The following BPHL variants were observed in gnomAD, a reference collection of about 807,000 sequenced individuals.
The protein encoded by BPHL is serine hydrolase BPHL.
A neutral mutation model predicts 31.2 loss-of-function variants in BPHL; 27 were observed. That is an observed-to-expected ratio of 0.87 (90% CI 0.64 to 1.19). The LOEUF (loss-of-function observed/expected upper bound fraction) is 1.19. Ranked by LOEUF, BPHL falls within the 50% of genes most tolerant of loss-of-function variation. BPHL has a pLI of 0.00. For synonymous variants in BPHL, 150 were observed against 146.8 expected (o/e 1.02, Z -0.16); for missense variants, 356 against 375.7 (o/e 0.95, Z 0.43).
intron 6 of BPHL, among the ~76,000 whole-genome samples, chr6:3,147,190 G>A (rs1381054947): frequency 6.6e-6 from 1 of 152,144 alleles, no homozygotes; most frequent in African/African-American, 2.4e-5. Flanking sequence ...GAGCCTAGGA[G>A]GTGGAGGCTG....
At chr6:3,134,386 G>A (rs1218629451) in intron 4 of BPHL, among the ~76,000 whole-genome samples, 3 of 151,686 alleles carry the variant, frequency 2.0e-5, no homozygotes, top group Non-Finnish European at 1.5e-5. Flanking sequence ...CTTAATGTAA[G>A]GAAATGCCAC....
At chr6:3,128,651 G>A (rs1187191063) in intron 3 of BPHL, among the ~76,000 whole-genome samples, 1 of 152,178 alleles carries the variant, frequency 6.6e-6, no homozygotes, top group Non-Finnish European at 1.5e-5. Context: ...AGAGCTCAGG[G>A]TCCCCTCTCT....
At chr6:3,152,076 C>T (rs933051999) in intron 6 of BPHL, among the ~76,000 whole-genome samples, 15 of 152,250 alleles carry the variant, frequency 9.9e-5, no homozygotes, top group Non-Finnish European at 1.9e-4. Flanking sequence ...TGCCCCATCC[C>T]AGTGCATTCT....
At chr6:3,122,265 G>A (rs1240825743) in intron 1 of BPHL, among the ~76,000 whole-genome samples, 1 of 152,186 alleles carries the variant, frequency 6.6e-6, no homozygotes. Flanking sequence ...GGGCGACAGA[G>A]TGAGACTCCA....
rs571120858 is a variant in BPHL at position 3,118,866 on chromosome 6, C to T, written c.107+19C>T. On this transcript the variant is annotated intron_variant, in intron 1 of 6. Transcript: ENST00000380379. The stretch of plus-strand genomic sequence containing the variant: ...CGTTCGGGTAATGGCGGCCACCTCG[C>T]CCCGGGGATCCCCAGCATCGGCGCG... The T allele has an allele frequency of 1.6e-6, 2 of 1,233,650 alleles. No homozygotes were observed. Among genetic ancestry groups the T allele is most frequent in the African/African-American group, 1.6e-5 (1 of 64,304 alleles). 76.4% of individuals were successfully genotyped at this position (1,233,650 alleles called of 1,614,324 possible).
In BPHL at chr6:3,140,571, C is replaced by T; in HGVS notation, c.788+62C>T. On this transcript the variant is annotated intron_variant, in intron 6 of 6. Transcript: ENST00000380379. The surrounding 1 kb of genome is among the most constrained non-coding windows in gnomAD (Gnocchi z 5.2). The stretch of plus-strand genomic sequence containing the variant: ...GCCTCGGAGTCAATGGGCAAAGCTA[C>T]TGGAAGGAAAATAACCAAGAGGAGT... 1.9e-6 allele frequency: 3 copies of T among 1,600,668 alleles called. No individual in the cohort carries two copies. The highest frequency in any genetic ancestry group is 1.7e-6 in the Non-Finnish European group (2 of 1,175,472).
At chr6:3,134,345 G>A (rs190407077) in intron 4 of BPHL, among the ~76,000 whole-genome samples, 98 of 151,882 alleles carry the variant, frequency 6.5e-4, no homozygotes, top group African/African-American at 2.3e-3. Context: ...ACAGTGGGTG[G>A]CTTTTGCCTT....
chr6:3,147,146 A>G (rs2113777792), intron 6 of BPHL, among the ~76,000 whole-genome samples: 1 of 152,256 alleles, frequency 6.6e-6, no homozygotes. Context: ...CTGTAGTCCA[A>G]GCTACTCAGG....
intron 2 of BPHL, 74 bp downstream of exon 2, chr6:3,123,834 A>G (rs1313359824): frequency 4.4e-6 from 5 of 1,141,986 alleles, no homozygotes; most frequent in East Asian, 5.1e-5. Flanking sequence ...TAGATGCCAA[A>G]TACTGATGAT....
At position 3,140,524 on chromosome 6, in the gene BPHL, C is replaced by T. The variant is rs760450827; in HGVS notation, c.788+15C>T. ...AAAGGCTCACGGTAAGTCCTGTCAC[C>T]GCCTTCACACTCCCCCCGAGAGCCT... On this transcript the variant is annotated intron_variant, in intron 6 of 6. Coordinates refer to ENST00000380379, the MANE Select transcript of BPHL (RefSeq NM_004332.4). This position sits in a 1 kb window ranked among gnomAD's most constrained non-coding sequence, Gnocchi z 5.2. The T allele has an allele frequency of 1.2e-5, 19 of 1,611,560 alleles. No individual in the cohort carries two copies. The highest frequency in any genetic ancestry group is 1.6e-4 in the Middle Eastern group (1 of 6,076).
chr6:3,144,383 T>TGG (rs1581482971), intron 6 of BPHL, among the ~76,000 whole-genome samples: 1 of 27,760 alleles, frequency 3.6e-5, no homozygotes. Flanking sequence ...TTTTTTTTTT[T>TGG]TTTTTTTGTT....
chr6:3,152,127 TA>T (rs1762540297), intron 6 of BPHL, among the ~76,000 whole-genome samples: 1 of 152,222 alleles, frequency 6.6e-6, no homozygotes, highest in African/African-American at 2.4e-5. Flanking sequence ...CCTTCTCTCT[TA>T]AAATCAGCTT....
intron 3 of BPHL, 125 bp downstream of exon 3, chr6:3,127,533 A>G: frequency 1.3e-6 from 1 of 792,812 alleles, no homozygotes; most frequent in Non-Finnish European, 1.8e-6. Context: ...AGAAAACCCC[A>G]AGAGTTCAAA....
intron 2 of BPHL, 68 bp from the exon 3 acceptor site, chr6:3,127,174 C>T: frequency 9.2e-7 from 1 of 1,086,514 alleles, no homozygotes; most frequent in African/African-American, 1.6e-5. Flanking sequence ...GTTATTGCTT[C>T]TGTTTTCACT....
At chr6:3,148,301 G>A (rs975236874) in intron 6 of BPHL, among the ~76,000 whole-genome samples, 1 of 152,210 alleles carries the variant, frequency 6.6e-6, no homozygotes, top group Non-Finnish European at 1.5e-5. Flanking sequence ...GGGAAGGAAG[G>A]GCCTCTTTCT....
intron 6 of BPHL, among the ~76,000 whole-genome samples, chr6:3,147,457 A>G (rs1327763368): frequency 6.6e-6 from 1 of 152,008 alleles, no homozygotes; most frequent in African/African-American, 2.4e-5. Flanking sequence ...TTTTTAAGAG[A>G]AGGTCTCGCT....
chr6:3,151,001 G>A (rs1241241550), intron 6 of BPHL, among the ~76,000 whole-genome samples: 4 of 152,134 alleles, frequency 2.6e-5, no homozygotes, highest in African/African-American at 4.8e-5. Context: ...AGACAGTGCT[G>A]AACGGCTAAA....
chr6:3,118,946 G>T, intron 1 of BPHL, 99 bp downstream of exon 1: 1 of 1,029,590 alleles, frequency 9.7e-7, no homozygotes, highest in Non-Finnish European at 1.2e-6. Flanking sequence ...CGGCGCGCGG[G>T]CACGGGGCGT....
intron 5 of BPHL, chr6:3,139,389 A>G (rs1762105251): frequency 6.6e-6 from 1 of 152,238 alleles, no homozygotes; most frequent in Non-Finnish European, 1.5e-5. Flanking sequence ...GACTTTGATC[A>G]TCACGTGATG....
Sources: allele counts gnomAD v4.1 joint callset (sites outside exome capture counted in the v4.1 genomes callset), GRCh38; gene constraint gnomAD v4.1.1; non-coding constraint Gnocchi (gnomAD v3.1); transcripts MANE v1.5; gene names NCBI Gene and HGNC (gene_info 2026-07-23, HGNC 2026-07-21).